The following FBXL17 variants were observed in gnomAD, a reference collection of about 807,000 sequenced individuals.
The protein encoded by FBXL17 is F-box/LRR-repeat protein 17.
FBXL17 carries 22 observed loss-of-function variants against 66.2 expected under a neutral mutation model. The ratio of observed to expected loss-of-function variants is 0.33; its 90% CI spans 0.24 to 0.47. The LOEUF (loss-of-function observed/expected upper bound fraction) is 0.47. Among genes scored for constraint, FBXL17 ranks in the 20% least tolerant of loss-of-function variants. The pLI is 1.00. For missense variants in FBXL17, 878 were observed against 948.2 expected (o/e 0.93, Z 0.97); for synonymous variants, 474 against 400.5 (o/e 1.18, Z -2.19).
At chr5:107,908,160 T>A (rs907702154) in intron 7 of FBXL17, among the ~76,000 whole-genome samples, 1 of 152,078 alleles carries the variant, frequency 6.6e-6, no homozygotes, top group African/African-American at 2.4e-5. Flanking sequence ...ATGGATGAAA[T>A]TGGAAATCAT....
chr5:108,373,131 A>G (rs1040862811), intron 1 of FBXL17, among the ~76,000 whole-genome samples: 1 of 148,750 alleles, frequency 6.7e-6, no homozygotes, highest in Non-Finnish European at 1.5e-5. Context: ...AAATACACAC[A>G]TAATTATTTA....
intron 7 of FBXL17, among the ~76,000 whole-genome samples, chr5:107,947,171 G>T (rs1309855943): frequency 6.6e-6 from 1 of 152,150 alleles, no homozygotes; most frequent in Non-Finnish European, 1.5e-5. Context: ...ATCCTGACAG[G>T]TAAAGTACAA....
At chr5:107,975,486 T>C (rs1752539932) in intron 7 of FBXL17, among the ~76,000 whole-genome samples, 1 of 152,226 alleles carries the variant, frequency 6.6e-6, no homozygotes, top group Non-Finnish European at 1.5e-5. Context: ...AAAAGCTATC[T>C]GATATTTGTT....
At chr5:108,192,803 A>G (rs1337359373) in intron 5 of FBXL17, among the ~76,000 whole-genome samples, 2 of 152,134 alleles carry the variant, frequency 1.3e-5, no homozygotes, top group African/African-American at 2.4e-5. Flanking sequence ...AAAAGAAAGA[A>G]AGAAAAGAAA....
At chr5:107,878,723 C>T (rs1354184350) in intron 8 of FBXL17, 1 of 985,346 alleles carries the variant, frequency 1.0e-6, no homozygotes, top group Non-Finnish European at 1.2e-6. Context: ...AACCAACAAG[C>T]AGGCTTTTCT....
Position 108,123,149 on chromosome 5 carries a change from G to GT in FBXL17, c.1745+62967dup, listed in dbSNP as rs200273138. Among the ~76,000 whole-genome samples, 1,404 of 151,274 alleles carry GT rather than the reference G, an allele frequency of 9.3e-3. 19 individuals carry two copies. The highest frequency in any genetic ancestry group is 0.032 in the African/African-American group (1,325 of 41,150). On this transcript the variant is annotated intron_variant, in intron 6 of 8. Transcript: ENST00000542267. ...GGTGGTTGTGCATGTGCTTGGGTAA[G>GT]TTTTTTGTCTTTTGCTTTTTTTAAT... is the stretch of plus-strand genomic sequence containing the variant.
intron 6 of FBXL17, among the ~76,000 whole-genome samples, chr5:108,067,044 T>C (rs1037774657): frequency 6.6e-6 from 1 of 152,092 alleles, no homozygotes; most frequent in Non-Finnish European, 1.5e-5. Flanking sequence ...GTCACAGTAC[T>C]ATATAAACCT....
At chr5:108,170,354 G>T (rs1752561527) in intron 6 of FBXL17, among the ~76,000 whole-genome samples, 1 of 152,026 alleles carries the variant, frequency 6.6e-6, no homozygotes. Context: ...GGTATGATAA[G>T]ATATTATATA....
At chr5:107,950,689 G>C (rs1308544469) in intron 7 of FBXL17, among the ~76,000 whole-genome samples, 2 of 152,124 alleles carry the variant, frequency 1.3e-5, no homozygotes, top group Non-Finnish European at 2.9e-5. Context: ...AGCTGGGTGA[G>C]ATATAATTTC....
At chr5:107,980,890 C>T (rs1256649556) in intron 7 of FBXL17, among the ~76,000 whole-genome samples, 1 of 150,254 alleles carries the variant, frequency 6.7e-6, no homozygotes, top group Non-Finnish European at 1.5e-5. Flanking sequence ...GTGATCCGCC[C>T]GCCTCGGCCT....
chr5:107,990,290 T>A (rs893589293), intron 7 of FBXL17, among the ~76,000 whole-genome samples: 1 of 152,212 alleles, frequency 6.6e-6, no homozygotes, highest in Non-Finnish European at 1.5e-5. Context: ...TTACTAATTA[T>A]AAGATTGATG....
At chr5:107,982,457 A>C (rs1485942612) in intron 7 of FBXL17, among the ~76,000 whole-genome samples, 4 of 151,106 alleles carry the variant, frequency 2.6e-5, no homozygotes, top group African/African-American at 4.9e-5. Flanking sequence ...TTAAAAAAAA[A>C]ACAAAAAAAA....
chr5:108,341,395 A>ATGGGACAACAGTACGAATG (rs1323733729), intron 4 of FBXL17, among the ~76,000 whole-genome samples: 3 of 152,152 alleles, frequency 2.0e-5, no homozygotes, highest in Non-Finnish European at 2.9e-5. Flanking sequence ...GAAGGGAACA[A>ATGGGACAACAGTACGAATG]TGGGACAACA....
intron 6 of FBXL17, among the ~76,000 whole-genome samples, chr5:108,161,807 C>T (rs1267149455): frequency 6.6e-6 from 1 of 152,150 alleles, no homozygotes; most frequent in African/African-American, 2.4e-5. Context: ...GAACCAGGGA[C>T]CATCTTTCAT....
At chr5:108,262,823 G>C (rs972295848) in intron 4 of FBXL17, among the ~76,000 whole-genome samples, 2 of 152,154 alleles carry the variant, frequency 1.3e-5, no homozygotes, top group African/African-American at 4.8e-5. Flanking sequence ...ACTTAGTTCA[G>C]CAGTATCTAT....
intron 3 of FBXL17, among the ~76,000 whole-genome samples, chr5:108,354,867 A>C (rs181900325): frequency 1.0e-3 from 155 of 152,242 alleles, no homozygotes; most frequent in African/African-American, 3.5e-3. Context: ...AGTAGAGTGA[A>C]ATATTTAAAG....
chr5:108,319,378 G>A (rs1759513948), intron 4 of FBXL17, among the ~76,000 whole-genome samples: 2 of 151,840 alleles, frequency 1.3e-5, no homozygotes, highest in Admixed American at 1.3e-4. Flanking sequence ...TAAAGCATTT[G>A]TAATTTGGTT....
At chr5:108,375,069 T>A (rs1749326322) in intron 1 of FBXL17, among the ~76,000 whole-genome samples, 1 of 152,106 alleles carries the variant, frequency 6.6e-6, no homozygotes, top group Non-Finnish European at 1.5e-5. Flanking sequence ...TTTAAAATGA[T>A]GAGGCCGAGC....
At chr5:108,160,289 C>A (rs915304733) in intron 6 of FBXL17, among the ~76,000 whole-genome samples, 1 of 152,128 alleles carries the variant, frequency 6.6e-6, no homozygotes, top group Non-Finnish European at 1.5e-5. Flanking sequence ...TCTTAGAAAA[C>A]GGGTTACACA....
Sources: gnomAD v4.1 joint callset for allele counts (sites outside exome capture counted in the v4.1 genomes callset) on GRCh38, gnomAD v4.1.1 for gene constraint, MANE v1.5 for transcripts, NCBI Gene and HGNC (gene_info 2026-07-23, HGNC 2026-07-21) for gene names.